Variants in TBC1D9 observed in about 807,000 individuals in gnomAD.
TBC1D9 encodes TBC1 domain family member 9.
Under a neutral mutation model 132.0 loss-of-function variants are expected in TBC1D9, and 63 were observed. The ratio of observed to expected loss-of-function variants is 0.48; its 90% CI spans 0.39 to 0.59. The LOEUF (loss-of-function observed/expected upper bound fraction) is 0.59, where lower values mean the gene tolerates loss of function less well. Ranked by LOEUF, TBC1D9 falls within the 20% of genes least tolerant of loss-of-function variation. The pLI, the probability that TBC1D9 is intolerant of heterozygous loss-of-function variation, is 0.00. For missense variants in TBC1D9, 1,261 were observed against 1,592.7 expected, an observed-to-expected ratio of 0.79 and a Z score of 3.54; for synonymous variants, 610 against 609.9, an observed-to-expected ratio of 1.00 and a Z score of 0.00.
rs191630525 is a variant in TBC1D9 at position 140,640,628 on chromosome 4, C to G, written c.2338-1200G>C. ...CTTTTTGCAAGACTCAATTTCCAAG[C>G]GTAACTTTTCCCTTTGGCAAACTGA... On this transcript the variant is annotated intron_variant, in intron 13 of 20. Transcript: ENST00000442267. Among the ~76,000 whole-genome samples, 7 of 152,192 alleles carry G rather than the reference C, an allele frequency of 4.6e-5. No homozygotes were observed. In the East Asian group the frequency reaches 1.3e-3, roughly 29 times the overall value.
rs1737368314 is a variant in TBC1D9, at chr4:140,661,987, T to C, written c.1709A>G (p.Glu570Gly). ...IERDLHRSLPEHPAFQNEMGI... is the reference protein window; with the variant it reads ...IERDLHRSLPGHPAFQNEMGI... Reference sequence around the variant, plus strand: ...CATTTCATTCTGAAAAGCTGGGTGTTCTGGAAGGGAGCGGTGTAAATCCCT... The same window carrying C: ...CATTTCATTCTGAAAAGCTGGGTGTCCTGGAAGGGAGCGGTGTAAATCCCT... The change falls in exon 10 of 21, where the codon GAA (glutamate) becomes GGA (glycine). Residue 570 changes from glutamate to glycine, a missense_variant. Physicochemically the swap from Glu to Gly is moderately conservative, Grantham distance 98 (BLOSUM62 -2). This residue lies in a region of TBC1D9 where 93 missense variants were observed against 169.2 expected (regional missense o/e 0.55). Coordinates refer to ENST00000442267, the MANE Select transcript of TBC1D9 (RefSeq NM_015130.3). The C allele has an allele frequency of 5.6e-6, 9 of 1,613,930 alleles. No homozygotes were observed. Among genetic ancestry groups the C allele is most frequent in the Non-Finnish European group, 7.6e-6 (9 of 1,179,906 alleles).
intron 1 of TBC1D9, among the ~76,000 whole-genome samples, chr4:140,717,206 T>G (rs1238266891): frequency 6.6e-6 from 1 of 152,202 alleles, no homozygotes; most frequent in East Asian, 1.9e-4. Context: ...AATCAACATA[T>G]GTTACCTGAA....
rs1163407293 is a variant in TBC1D9, at chr4:140,624,323, G to A, written c.2965C>T (p.Pro989Ser). The A allele has an allele frequency of 6.2e-7, 1 of 1,613,710 alleles. No homozygotes were observed. The highest frequency in any genetic ancestry group is 8.5e-7 in the Non-Finnish European group (1 of 1,179,792). The stretch of plus-strand genomic sequence containing the variant: ...AAGAGAATATCCTTACCTTTGTCTG[G>A]CTTTAGGCTCACCGTAACAAAGCCA... ...DDGFVTVSLK[P>S]DKGKRANSQE... The change falls in exon 19 of 21, where the codon CCA becomes TCA. Residue 989 changes from proline to serine, a missense_variant. By Grantham distance (74) the Pro-to-Ser change is moderately conservative. This residue lies in a region of TBC1D9 where 618 missense variants were observed against 724.4 expected (regional missense o/e 0.85). Coordinates refer to ENST00000442267, the MANE Select transcript of TBC1D9 (RefSeq NM_015130.3).
At chr4:140,686,848 T>C (rs1457371675) in intron 2 of TBC1D9, among the ~76,000 whole-genome samples, 1 of 152,286 alleles carries the variant, frequency 6.6e-6, no homozygotes, top group Middle Eastern at 3.4e-3. Flanking sequence ...GATACTAGGT[T>C]ACAGTTGTTA....
intron 1 of TBC1D9, among the ~76,000 whole-genome samples, chr4:140,703,950 A>T (rs1738110641): frequency 2.0e-5 from 3 of 152,232 alleles, no homozygotes; most frequent in African/African-American, 7.2e-5. Flanking sequence ...GAAGAATAGG[A>T]CACATAAATG....
In TBC1D9 at chr4:140,667,461, CTGGT is replaced by C. The variant is rs546349389; in HGVS notation, c.1588+1452_1588+1455del. On this transcript the variant is annotated intron_variant, in intron 9 of 20. Coordinates refer to ENST00000442267, the MANE Select transcript of TBC1D9 (RefSeq NM_015130.3). ...TGTTTACTCTGTCAGTGATCTGAAT[CTGGT>C]TGTCAAGGTGACTAGTTCACTAAAC... Among the ~76,000 whole-genome samples the C allele has an allele frequency of 2.0e-5, 3 of 152,298 alleles. No individual in the cohort carries two copies. In the South Asian group the frequency reaches 6.2e-4, roughly 32 times the overall value.
intron 8 of TBC1D9, 34 bp downstream of exon 8, chr4:140,669,600 T>C (rs2111008741): frequency 6.3e-7 from 1 of 1,586,340 alleles, no homozygotes; most frequent in Non-Finnish European, 8.6e-7. Flanking sequence ...TGTTCAAATC[T>C]ACAAAGTTTC....
intron 10 of TBC1D9, among the ~76,000 whole-genome samples, chr4:140,661,203 C>T (rs796324020): frequency 3.9e-4 from 59 of 152,212 alleles, no homozygotes; most frequent in African/African-American, 1.2e-3. Context: ...CGTGAGCCAC[C>T]GCACCTGGCC....
rs544215864 is a variant in TBC1D9, at chr4:140,706,702, T to C, written c.131-5088A>G. Among the ~76,000 whole-genome samples the C allele has an allele frequency of 6.6e-6, 1 of 152,298 alleles. No homozygotes were observed. Among genetic ancestry groups the C allele is most frequent in the African/African-American group, 2.4e-5 (1 of 41,570 alleles). On this transcript the variant is annotated intron_variant, in intron 1 of 20. Transcript: ENST00000442267. This position sits in a 1 kb window ranked among gnomAD's most constrained non-coding sequence, Gnocchi z 4.0. ...GTCCTTATACTTTTACTGAGCCATG[T>C]TTTTCATATAAAAAATTTAAAACTG...
intron 13 of TBC1D9, chr4:140,644,653 A>G: frequency 2.4e-6 from 1 of 413,696 alleles, no homozygotes; most frequent in Non-Finnish European, 4.7e-6. Flanking sequence ...TTGCAGTTCC[A>G]GGGCCTGGGC....
In TBC1D9 at chr4:140,657,138, G is replaced by C. The variant is rs199939470; in HGVS notation, c.2296C>G (p.Pro766Ala). 6.2e-7 allele frequency: 1 copy of C among 1,613,810 alleles called. No individual in the cohort carries two copies. Among genetic ancestry groups the C allele is most frequent in the African/African-American group, 1.3e-5 (1 of 74,902 alleles). ...ATGAGTCTAAAGATGTCTACCTCAG[G>C]GTAAGGTTCCACATCATCGCTGAGC... ...SLLSDDVEPY[P>A]EVDIFRLIRT... Residue 766 changes from proline to alanine, a missense_variant, in exon 13 of 21, where the codon CCT becomes GCT. By Grantham distance (27) the Pro-to-Ala change is conservative. Transcript: ENST00000442267.
At chr4:140,650,191 G>C (rs942545535) in intron 13 of TBC1D9, among the ~76,000 whole-genome samples, 1 of 152,200 alleles carries the variant, frequency 6.6e-6, no homozygotes, top group Non-Finnish European at 1.5e-5. Context: ...TTTTTACCTA[G>C]AATTTATTTT....
In TBC1D9 at chr4:140,744,201, T is replaced by C. The variant is rs187782382; in HGVS notation, c.130+11715A>G. On this transcript the variant is annotated intron_variant, in intron 1 of 20. Coordinates refer to ENST00000442267, the MANE Select transcript of TBC1D9 (RefSeq NM_015130.3). ...GTTTCCTGTCAGCAGCATTTTCCTA[T>C]TAATAATATGTATTATGAGCCAACT... Among the ~76,000 whole-genome samples, 10 of 152,226 alleles carry C rather than the reference T, an allele frequency of 6.6e-5. No individual in the cohort carries two copies. The East Asian group carries it at 1.5e-3, about 23-fold the overall frequency.
At chr4:140,676,582 G>T (rs1409246042) in intron 6 of TBC1D9, among the ~76,000 whole-genome samples, 1 of 152,140 alleles carries the variant, frequency 6.6e-6, no homozygotes, top group East Asian at 1.9e-4. Flanking sequence ...GAACCTGGAG[G>T]GTGGAGGTTG....
intron 1 of TBC1D9, among the ~76,000 whole-genome samples, chr4:140,751,825 T>A (rs183819924): frequency 1.3e-5 from 2 of 152,038 alleles, no homozygotes; most frequent in African/African-American, 4.8e-5. Context: ...AATAAACATA[T>A]GGAAAAATGC....
intron 13 of TBC1D9, among the ~76,000 whole-genome samples, chr4:140,649,741 G>T (rs1433129419): frequency 1.3e-5 from 2 of 152,050 alleles, no homozygotes; most frequent in Non-Finnish European, 2.9e-5. Context: ...GGGTGAGGGG[G>T]GCAGAGGAGG....
At chr4:140,744,951 C>G (rs997900071) in intron 1 of TBC1D9, among the ~76,000 whole-genome samples, 5 of 149,028 alleles carry the variant, frequency 3.4e-5, no homozygotes, top group African/African-American at 9.8e-5. Context: ...TCACTCCTTT[C>G]TATTCACAAC....
rs1415895366 is a variant in TBC1D9 at position 140,639,071 on chromosome 4, T to G, written c.2505+15A>C. On this transcript the variant is annotated intron_variant, in intron 15 of 20. Coordinates refer to ENST00000442267, the MANE Select transcript of TBC1D9 (RefSeq NM_015130.3). ...TTACTCCTTTGAATGGGCATGAATT[T>G]ACCTTGCAACTCACCTTGAAAAGAG... 1.9e-6 allele frequency: 3 copies of G among 1,570,932 alleles called. No individual in the cohort carries two copies. Among genetic ancestry groups the G allele is most frequent in the Non-Finnish European group, 2.6e-6 (3 of 1,155,546 alleles).
At position 140,749,124 on chromosome 4, in the gene TBC1D9, G is replaced by C. The variant is rs1006174447; in HGVS notation, c.130+6792C>G. On this transcript the variant is annotated intron_variant, in intron 1 of 20. Transcript: ENST00000442267. ...CTGACACCTCTAATATCAGCAATTTGGGAGGCTGAGGTGGGAGAATCACTT... is the reference window on the plus strand; with the variant it reads ...CTGACACCTCTAATATCAGCAATTTCGGAGGCTGAGGTGGGAGAATCACTT... 3.3e-5 allele frequency among the ~76,000 whole-genome samples: 5 copies of C among 152,074 alleles called. No homozygotes were observed. In the South Asian group the frequency reaches 6.2e-4, roughly 19 times the overall value.
Sources: allele counts gnomAD v4.1 joint callset (sites outside exome capture counted in the v4.1 genomes callset), GRCh38; gene constraint gnomAD v4.1.1; regional missense constraint gnomAD v4.1.1; non-coding constraint Gnocchi (gnomAD v3.1); transcripts MANE v1.5; gene names NCBI Gene and HGNC (gene_info 2026-07-23, HGNC 2026-07-21).